EPC2: variants seen among roughly 807,000 people sequenced by gnomAD.
EPC2 encodes enhancer of polycomb 2, also known as enhancer of polycomb homolog 2.
A neutral mutation model predicts 92.1 loss-of-function variants in EPC2; 14 were observed. The observed-to-expected ratio is 0.15, with a 90% CI of 0.10 to 0.24. The LOEUF is 0.24. EPC2 is among the 10% of genes least tolerant of loss of function. The pLI is 1.00. For missense variants in EPC2, 755 were observed against 971.5 expected, an observed-to-expected ratio of 0.78 and a Z score of 2.96; for synonymous variants, 340 against 334.7, an observed-to-expected ratio of 1.02 and a Z score of -0.17.
chr2:148,646,982 C>T (rs184172471), intron 1 of EPC2, among the ~76,000 whole-genome samples: 6 of 151,912 alleles, frequency 3.9e-5, no homozygotes, highest in Admixed American at 1.3e-4. Context: ...TGGTGGTGCG[C>T]GCCTGTAATA....
intron 1 of EPC2, 30 bp downstream of exon 1, chr2:148,645,200 TTCCCTCC>T: frequency 6.9e-7 from 1 of 1,455,686 alleles, no homozygotes; most frequent in Non-Finnish European, 9.3e-7. Context: ...TTACCCCCCC[TTCCCTCC>T]TCCCCCCTCC....
chr2:148,781,636 T>C lies in EPC2; in HGVS notation c.1721-8T>C. 1 of 1,608,808 alleles carries C rather than the reference T, an allele frequency of 6.2e-7. No homozygotes were observed. The highest frequency in any genetic ancestry group is 8.5e-7 in the Non-Finnish European group (1 of 1,177,808). On this transcript the variant is annotated splice_polypyrimidine_tract_variant and splice_region_variant and intron_variant, in intron 10 of 13. Coordinates refer to ENST00000258484, the MANE Select transcript of EPC2 (RefSeq NM_015630.4). Reference sequence around the variant, plus strand: ...GTACTCATTTCCAAAATTCATGTTCTTTACCAGTAACAGGGGGTATCACAG... The same window carrying C: ...GTACTCATTTCCAAAATTCATGTTCCTTACCAGTAACAGGGGGTATCACAG...
At chr2:148,777,250 G>A (rs1466996643) in intron 10 of EPC2, among the ~76,000 whole-genome samples, 2 of 152,108 alleles carry the variant, frequency 1.3e-5, no homozygotes, top group African/African-American at 2.4e-5. Context: ...ACTAGATGAT[G>A]TATTCTTTTT....
chr2:148,765,027 C>T lies in EPC2; in HGVS notation c.1021C>T (p.Pro341Ser). The T allele has an allele frequency of 6.2e-7, 1 of 1,608,096 alleles. No individual in the cohort carries two copies. Among genetic ancestry groups the T allele is most frequent in the African/African-American group, 1.3e-5 (1 of 74,826 alleles). Reference protein sequence around the residue: ...VRQKKKYPKKPKAEALITSQQ... With the variant: ...VRQKKKYPKKSKAEALITSQQ... ...TCAAAAGAAGAAGTACCCAAAGAAG[C>T]CTAAAGCAGAGGCTTTGATAACATC... is the stretch of plus-strand genomic sequence containing the variant. The change falls in exon 7 of 14, where the codon CCT (proline) becomes TCT (serine). Residue 341 changes from proline to serine, a missense_variant. Pro to Ser is a moderately conservative substitution (Grantham distance 74). Around this residue, in one of 4 missense-constraint regions of EPC2, gnomAD observed 509 missense variants for 607.7 expected, o/e 0.84. Transcript: ENST00000258484.
chr2:148,678,207 A>G (rs1189680445), intron 1 of EPC2, among the ~76,000 whole-genome samples: 1 of 152,140 alleles, frequency 6.6e-6, no homozygotes, highest in East Asian at 1.9e-4. Flanking sequence ...TGAGCTAGAC[A>G]CAGGGTGCTG....
At chr2:148,743,826 A>G (rs911840022) in intron 3 of EPC2, 59 bp downstream of exon 3, 5 of 1,317,316 alleles carry the variant, frequency 3.8e-6, no homozygotes, top group Non-Finnish European at 4.1e-6. Context: ...GCACCTTTAT[A>G]AGACCTGAGT....
chr2:148,775,593 C>CTTTAAATA (rs1203266182), intron 10 of EPC2, among the ~76,000 whole-genome samples: 19 of 105,416 alleles, frequency 1.8e-4, no homozygotes, highest in Non-Finnish European at 3.5e-4. Context: ...CTTTAAATAT[C>CTTTAAATA]TTTAAATATT....
At chr2:148,687,303 G>T (rs1002744845) in intron 1 of EPC2, among the ~76,000 whole-genome samples, 3 of 152,174 alleles carry the variant, frequency 2.0e-5, no homozygotes, top group Non-Finnish European at 4.4e-5. Context: ...CGGGAATGTT[G>T]TGGCTGGTTT....
At chr2:148,774,691 G>A (rs1683592516) in intron 10 of EPC2, among the ~76,000 whole-genome samples, 1 of 150,778 alleles carries the variant, frequency 6.6e-6, no homozygotes. Flanking sequence ...ATTGAAAAGT[G>A]TATCCTAGAT....
chr2:148,737,502 G>C (rs1195787037), intron 2 of EPC2, among the ~76,000 whole-genome samples: 2 of 152,020 alleles, frequency 1.3e-5, no homozygotes, highest in African/African-American at 4.8e-5. Context: ...AAGATTCCAT[G>C]GTTCCATTTG....
chr2:148,760,024 T>C (rs1283004912), intron 4 of EPC2, among the ~76,000 whole-genome samples: 1 of 152,048 alleles, frequency 6.6e-6, no homozygotes, highest in Non-Finnish European at 1.5e-5. Flanking sequence ...GGGCAGATCA[T>C]TTGAGGTCAG....
chr2:148,740,682 T>C (rs1434754892), intron 2 of EPC2, among the ~76,000 whole-genome samples: 1 of 152,166 alleles, frequency 6.6e-6, no homozygotes, highest in Non-Finnish European at 1.5e-5. Flanking sequence ...GTATAAAAGA[T>C]GGTCATGCAA....
At chr2:148,653,798 G>C (rs1680734349) in intron 1 of EPC2, among the ~76,000 whole-genome samples, 1 of 151,822 alleles carries the variant, frequency 6.6e-6, no homozygotes, top group African/African-American at 2.4e-5. Flanking sequence ...TGGTGAAGTT[G>C]TTGGAACTTT....
chr2:148,765,823 A>C (rs12691805), intron 7 of EPC2, among the ~76,000 whole-genome samples: 2 of 152,166 alleles, frequency 1.3e-5, no homozygotes, highest in African/African-American at 4.8e-5. Flanking sequence ...GGATCACAAG[A>C]TCAGGAGATC....
intron 1 of EPC2, among the ~76,000 whole-genome samples, chr2:148,646,733 T>G (rs963245516): frequency 6.6e-5 from 10 of 152,284 alleles, no homozygotes; most frequent in African/African-American, 2.2e-4. Context: ...TGCTATTTTG[T>G]GGGTCTTGAT....
At chr2:148,699,529 AATAC>A (rs1271840095) in intron 2 of EPC2, among the ~76,000 whole-genome samples, 1 of 152,190 alleles carries the variant, frequency 6.6e-6, no homozygotes, top group Non-Finnish European at 1.5e-5. Context: ...GGAATTATAT[AATAC>A]ATAGCCTTTT....
intron 7 of EPC2, among the ~76,000 whole-genome samples, chr2:148,768,013 C>G (rs1339800945): frequency 6.6e-6 from 1 of 152,182 alleles, no homozygotes; most frequent in African/African-American, 2.4e-5. Context: ...TTCTGTGTCT[C>G]CCCCATAGGG....
At chr2:148,746,036 C>G (rs1332944418) in intron 3 of EPC2, among the ~76,000 whole-genome samples, 1 of 151,944 alleles carries the variant, frequency 6.6e-6, no homozygotes, top group Admixed American at 6.6e-5. Flanking sequence ...ACAGTTTATT[C>G]CCTCTGGTTT....
At chr2:148,704,391 TAC>T (rs758041377) in intron 2 of EPC2, among the ~76,000 whole-genome samples, 11 of 152,116 alleles carry the variant, frequency 7.2e-5, no homozygotes, top group Non-Finnish European at 1.3e-4. Context: ...GTTTAATAGG[TAC>T]AGAGTTTTAG....
Sources: allele counts gnomAD v4.1 joint callset (sites outside exome capture counted in the v4.1 genomes callset), GRCh38; gene constraint gnomAD v4.1.1; regional missense constraint gnomAD v4.1.1; transcripts MANE v1.5; gene names NCBI Gene and HGNC (gene_info 2026-07-23, HGNC 2026-07-21).